PPP2CA: variants seen among roughly 807,000 people sequenced by gnomAD.
The protein encoded by PPP2CA is serine/threonine-protein phosphatase 2A catalytic subunit alpha isoform.
Under a neutral mutation model 38.8 loss-of-function variants are expected in PPP2CA, and 5 were observed. The observed-to-expected ratio is 0.13, with a 90% CI of 0.07 to 0.27. The LOEUF is 0.27. PPP2CA is among the 10% of genes least tolerant of loss of function. The pLI is 1.00. For synonymous variants in PPP2CA, 152 were observed against 134.0 expected (o/e 1.13, Z -0.93); for missense variants, 88 against 389.7 (o/e 0.23, Z 6.52).
At chr5:134,212,905 T>A (rs1051722979) in intron 1 of PPP2CA, among the ~76,000 whole-genome samples, 4 of 152,110 alleles carry the variant, frequency 2.6e-5, no homozygotes, top group African/African-American at 9.7e-5. Context: ...CTATAAAGGC[T>A]AATAGAGGTG....
chr5:134,209,270 C>T (rs532904132), intron 1 of PPP2CA, among the ~76,000 whole-genome samples: 2 of 60,080 alleles, frequency 3.3e-5, no homozygotes, highest in Admixed American at 1.3e-4. Flanking sequence ...ATCCCTCAGA[C>T]CGGAGGGGGA....
In PPP2CA at chr5:134,219,394, T is replaced by C. The variant is rs1393285980; in HGVS notation, c.102+6366A>G. ...CACTCCATAACCTCTGTGAACTACA[T>C]TTTGCAGGCCTTTGGCCAGGTAAAC... On this transcript the variant is annotated intron_variant, in intron 1 of 6. Coordinates refer to ENST00000481195, the MANE Select transcript of PPP2CA (RefSeq NM_002715.4). 2.6e-5 allele frequency among the ~76,000 whole-genome samples: 4 copies of C among 152,226 alleles called. 1 individual carries two copies. The highest frequency in any genetic ancestry group is 4.4e-5 in the Non-Finnish European group (3 of 68,032).
chr5:134,211,996 T>C (rs1762214627), intron 1 of PPP2CA, among the ~76,000 whole-genome samples: 1 of 152,066 alleles, frequency 6.6e-6, no homozygotes, highest in African/African-American at 2.4e-5. Context: ...GGCAGGCACC[T>C]GTAATCCCAG....
intron 1 of PPP2CA, among the ~76,000 whole-genome samples, chr5:134,210,930 A>G (rs548617209): frequency 1.3e-5 from 2 of 152,298 alleles, no homozygotes; most frequent in East Asian, 3.9e-4. Flanking sequence ...AGCAAACAAA[A>G]ATTTGGTATA....
At chr5:134,216,557 A>AAAAAAG (rs57520870) in intron 1 of PPP2CA, among the ~76,000 whole-genome samples, 14,625 of 110,224 alleles carry the variant, frequency 0.13, 2,323 homozygotes, top group African/African-American at 0.16. Context: ...AAAAAAAAAA[A>AAAAAAG]GTGGTTTCCT....
chr5:134,220,074 ACCTCTCAG>A (rs1762404566), intron 1 of PPP2CA, among the ~76,000 whole-genome samples: 1 of 148,996 alleles, frequency 6.7e-6, no homozygotes, highest in Non-Finnish European at 1.5e-5. Flanking sequence ...TTCAAACCCC[ACCTCTCAG>A]CCATTTACTG....
intron 1 of PPP2CA, among the ~76,000 whole-genome samples, chr5:134,221,791 G>GAA (rs991012970): frequency 4.6e-5 from 7 of 152,004 alleles, no homozygotes; most frequent in African/African-American, 1.7e-4. Flanking sequence ...CCAACATGGT[G>GAA]AAATCCCATC....
intron 6 of PPP2CA, among the ~76,000 whole-genome samples, chr5:134,198,496 T>G (rs1274393174): frequency 2.0e-5 from 3 of 152,196 alleles, no homozygotes; most frequent in African/African-American, 7.2e-5. Flanking sequence ...GTTGGTGTGT[T>G]TCAATGTAGA....
intron 2 of PPP2CA, among the ~76,000 whole-genome samples, chr5:134,204,160 C>T (rs1277096590): frequency 6.6e-6 from 1 of 152,248 alleles, no homozygotes; most frequent in Non-Finnish European, 1.5e-5. Context: ...GCTAAAACCA[C>T]ATCTCACTGC....
chr5:134,205,940 T>G lies in PPP2CA; in HGVS notation c.294A>C (p.Thr98=). 1 of 1,613,700 alleles carries G rather than the reference T, an allele frequency of 6.2e-7. No homozygotes were observed. Among genetic ancestry groups the G allele is most frequent in the Non-Finnish European group, 8.5e-7 (1 of 1,179,604 alleles). ...AAATTACCTTAAGAGCTACAAGCAG[T>G]GTAACTGTTTCAACTGAATAATATC... The part of the protein sequence containing the change: ...DRGYYSVETV[T]LLVALKVRYR... The change falls in exon 2 of 7, where the codon ACA becomes ACC. Residue 98 remains threonine, a synonymous_variant. Transcript: ENST00000481195.
intron 2 of PPP2CA, 149 bp from the exon 3 acceptor site, chr5:134,202,170 C>A (rs1454621892): frequency 1.4e-6 from 1 of 739,814 alleles, no homozygotes; most frequent in Non-Finnish European, 2.1e-6. Context: ...AACCACAGCT[C>A]TACAGAATTT....
chr5:134,219,250 C>T (rs1580650562), intron 1 of PPP2CA, among the ~76,000 whole-genome samples: 1 of 152,134 alleles, frequency 6.6e-6, no homozygotes, highest in African/African-American at 2.4e-5. Flanking sequence ...TCCTTATACA[C>T]GAGAATAAGG....
At chr5:134,206,459 T>C (rs541976136) in intron 1 of PPP2CA, among the ~76,000 whole-genome samples, 5 of 152,348 alleles carry the variant, frequency 3.3e-5, no homozygotes, top group Admixed American at 2.6e-4. Flanking sequence ...TCTACTTCCT[T>C]ACCTTCAGAG....
At position 134,225,879 on chromosome 5, in the gene PPP2CA, C is replaced by A. The variant is rs1561448944; in HGVS notation, c.-18G>T. The A allele has an allele frequency of 6.2e-7, 1 of 1,601,246 alleles. No homozygotes were observed. Among genetic ancestry groups the A allele is most frequent in the Non-Finnish European group, 8.5e-7 (1 of 1,177,242 alleles). ...TCGTCCATGATGCCACCCGCCCCAG[C>A]CGGCTGCCGCTCCGCGCTGCTCCCG... On this transcript the variant is annotated 5_prime_UTR_variant, in exon 1 of 7. Coordinates refer to ENST00000481195, the MANE Select transcript of PPP2CA (RefSeq NM_002715.4).
chr5:134,221,161 G>A (rs1445921428), intron 1 of PPP2CA, among the ~76,000 whole-genome samples: 3 of 152,140 alleles, frequency 2.0e-5, no homozygotes, highest in African/African-American at 7.2e-5. Flanking sequence ...GCCCAGGCTG[G>A]AGTGCAGTGG....
intron 3 of PPP2CA, 135 bp downstream of exon 3, chr5:134,201,713 T>A: frequency 9.9e-7 from 1 of 1,013,766 alleles, no homozygotes; most frequent in Non-Finnish European, 1.4e-6. Flanking sequence ...TTTTTTAAGT[T>A]TGAATGAATG....
Position 134,197,772 on chromosome 5 carries a change from T to C in PPP2CA, c.930A>G (p.Ter310=), listed in dbSNP as rs1262544728. ...AATACTGTACAAGTTTAAAATTTCA[T>C]TACAGGAAGTAGTCTGGGGTACGAC... ...VTRRTPDYFL[*] is the part of the protein sequence containing the mutation. Residue 310 remains the stop codon, a stop_retained_variant, in exon 7 of 7, where the codon TAA becomes TAG. Transcript: ENST00000481195. The C allele has an allele frequency of 1.2e-6, 2 of 1,613,008 alleles. No individual in the cohort carries two copies. The highest frequency in any genetic ancestry group is 2.7e-5 in the African/African-American group (2 of 74,898).
chr5:134,222,680 G>T (rs1309404394), intron 1 of PPP2CA, among the ~76,000 whole-genome samples: 1 of 152,162 alleles, frequency 6.6e-6, no homozygotes, highest in East Asian at 1.9e-4. Context: ...AAAGCAAGTT[G>T]ATACTATTTA....
chr5:134,222,554 C>T (rs1227024968), intron 1 of PPP2CA, among the ~76,000 whole-genome samples: 1 of 151,762 alleles, frequency 6.6e-6, no homozygotes, highest in Non-Finnish European at 1.5e-5. Context: ...AAAAAAAAAT[C>T]TGGCTATCAA....
Sources: allele counts gnomAD v4.1 joint callset (sites outside exome capture counted in the v4.1 genomes callset), GRCh38; gene constraint gnomAD v4.1.1; transcripts MANE v1.5; gene names NCBI Gene and HGNC (gene_info 2026-07-23, HGNC 2026-07-21).